PCDHA12: variants seen among roughly 807,000 people sequenced by gnomAD.
PCDHA12 encodes the protein protocadherin alpha-12.
In PCDHA12, 44 loss-of-function variants were observed where a neutral mutation model predicts 60.0. The ratio of observed to expected loss-of-function variants is 0.73; its 90% CI spans 0.58 to 0.94. PCDHA12 has a LOEUF of 0.94. Among genes scored for constraint, PCDHA12 ranks in the 40% least tolerant of loss-of-function variants. The pLI, the probability that PCDHA12 is intolerant of heterozygous loss-of-function variation, is 0.00. For missense variants in PCDHA12, 1,276 were observed against 1,239.7 expected, an observed-to-expected ratio of 1.03 and a Z score of -0.44; for synonymous variants, 569 against 553.0, an observed-to-expected ratio of 1.03 and a Z score of -0.40.
chr5:140,993,397 T>C (rs2097553822), intron 3 of PCDHA12, among the ~76,000 whole-genome samples: 2 of 151,682 alleles, frequency 1.3e-5, no homozygotes, highest in Admixed American at 1.3e-4. Context: ...ACTCCATCAT[T>C]AACCACCTTC....
In PCDHA12 at chr5:141,011,807, A is replaced by G. The variant is rs940017317; in HGVS notation, c.*1870A>G. ...CTAATGGTATCTGAAATATCAGCTC[A>G]TAGAAAGTAACAAAATTTGCTGTCA... On this transcript the variant is annotated 3_prime_UTR_variant, in exon 4 of 4. Coordinates refer to ENST00000398631, the MANE Select transcript of PCDHA12 (RefSeq NM_018903.4). The G allele has an allele frequency of 1.3e-5, 2 of 153,798 alleles. No individual in the cohort carries two copies. Among genetic ancestry groups the G allele is most frequent in the African/African-American group, 4.8e-5 (2 of 41,468 alleles). The allele number at this position is 153,798 out of a possible 1,614,324, so 9.5% of individuals were successfully genotyped here.
intron 1 of PCDHA12, among the ~76,000 whole-genome samples, chr5:140,956,797 G>T (rs1224324866): frequency 6.6e-6 from 1 of 152,040 alleles, no homozygotes; most frequent in Non-Finnish European, 1.5e-5. Flanking sequence ...TGCTTGGTGG[G>T]CTATTTATTA....
chr5:140,929,496 G>T, intron 1 of PCDHA12: 14 of 989,736 alleles, frequency 1.4e-5, no homozygotes, highest in Non-Finnish European at 1.8e-5. Context: ...TTAGAAGATT[G>T]CCCTAGGCCT....
rs782361627 is a variant in PCDHA12 at position 140,877,451 on chromosome 5, C to G, written c.1979C>G (p.Thr660Arg). The change falls in exon 1 of 4, where the codon ACG becomes AGG. Residue 660 changes from threonine (T) to arginine (R), a missense_variant. By Grantham distance (71) the Thr-to-Arg change is moderately conservative. Transcript: ENST00000398631. ...AAGGACCACGGTGAGCCCGCGCTGA[C>G]GTCCACGGCCACGGTGCTGGTGTCG... ...LVKDHGEPALTSTATVLVSLV... is the reference protein window; with the variant it reads ...LVKDHGEPALRSTATVLVSLV... 1 of 1,613,790 alleles carries G rather than the reference C, an allele frequency of 6.2e-7. No homozygotes were observed. Among genetic ancestry groups the G allele is most frequent in the East Asian group, 2.2e-5 (1 of 44,854 alleles).
chr5:140,915,324 T>G (rs782080439), intron 1 of PCDHA12, among the ~76,000 whole-genome samples: 1 of 152,210 alleles, frequency 6.6e-6, no homozygotes, highest in Non-Finnish European at 1.5e-5. Flanking sequence ...ATTACAGTGT[T>G]ATAATATTCT....
chr5:140,890,702 A>G (rs552792120), intron 1 of PCDHA12, among the ~76,000 whole-genome samples: 1 of 152,318 alleles, frequency 6.6e-6, no homozygotes, highest in African/African-American at 2.4e-5. Flanking sequence ...GGGACCTTAC[A>G]TTTTTAAAAT....
At chr5:140,937,824 A>C (rs1229119616) in intron 1 of PCDHA12, among the ~76,000 whole-genome samples, 1 of 151,696 alleles carries the variant, frequency 6.6e-6, no homozygotes, top group African/African-American at 2.4e-5. Flanking sequence ...AGGCAGGAGA[A>C]TGGCATGAAC....
chr5:140,889,205 A>G (rs573455914), intron 1 of PCDHA12, among the ~76,000 whole-genome samples: 1 of 151,946 alleles, frequency 6.6e-6, no homozygotes, highest in East Asian at 2.0e-4. Context: ...TGAATACTTA[A>G]CAAAGAAGAA....
chr5:140,965,236 A>G (rs1374558346), intron 1 of PCDHA12, among the ~76,000 whole-genome samples: 1 of 152,222 alleles, frequency 6.6e-6, no homozygotes, highest in African/African-American at 2.4e-5. Flanking sequence ...GAACCTGGGA[A>G]GAGTGAATAT....
chr5:140,966,818 C>G (rs1376177382), intron 1 of PCDHA12: 1 of 1,554,298 alleles, frequency 6.4e-7, no homozygotes, highest in Admixed American at 1.9e-5. Context: ...ACGGCTCCGG[C>G]GGCCCATGCC....
chr5:140,888,129 A>G (rs2061706592), intron 1 of PCDHA12, among the ~76,000 whole-genome samples: 2 of 152,024 alleles, frequency 1.3e-5, no homozygotes, highest in Admixed American at 1.3e-4. Flanking sequence ...CTATGGATAT[A>G]TTTTCTTGCT....
At chr5:140,927,183 C>T (rs1554204140) in intron 1 of PCDHA12, 12 of 1,614,160 alleles carry the variant, frequency 7.4e-6, no homozygotes, top group Non-Finnish European at 1.0e-5. Context: ...TCTTGACCTA[C>T]GACCTGGTGC....
At chr5:140,986,019 G>A (rs562523452) in intron 3 of PCDHA12, among the ~76,000 whole-genome samples, 66 of 152,154 alleles carry the variant, frequency 4.3e-4, no homozygotes, top group Middle Eastern at 3.4e-3. Flanking sequence ...GATTACAGGC[G>A]TGAGCCACTG....
At chr5:140,916,399 C>G (rs1421171065) in intron 1 of PCDHA12, among the ~76,000 whole-genome samples, 2 of 152,168 alleles carry the variant, frequency 1.3e-5, no homozygotes, top group African/African-American at 4.8e-5. Context: ...TGTGCTGGAT[C>G]ACACCTGAAG....
At chr5:140,948,942 TA>T (rs34363674) in intron 1 of PCDHA12, among the ~76,000 whole-genome samples, 1 of 151,394 alleles carries the variant, frequency 6.6e-6, no homozygotes, top group Admixed American at 6.6e-5. Context: ...TCTTCTAATA[TA>T]AAAAAATTAA....
At chr5:140,931,405 G>C (rs1395168165) in intron 1 of PCDHA12, among the ~76,000 whole-genome samples, 1 of 151,984 alleles carries the variant, frequency 6.6e-6, no homozygotes, top group South Asian at 2.1e-4. Flanking sequence ...CGATAGGAAG[G>C]CTGATGAATC....
chr5:140,988,206 G>GA (rs200168674), intron 3 of PCDHA12, among the ~76,000 whole-genome samples: 41 of 150,634 alleles, frequency 2.7e-4, no homozygotes, highest in Admixed American at 4.6e-4. Flanking sequence ...TCCTTATTAG[G>GA]AAAAAAAAAT....
In PCDHA12 at chr5:140,876,147, T is replaced by A. The variant is rs183600546; in HGVS notation, c.675T>A (p.Ser225=). 4.3e-6 allele frequency: 7 copies of A among 1,613,994 alleles called. No individual in the cohort carries two copies. The Admixed American group carries it at 1.2e-4, about 27-fold the overall frequency. ...IDGGKPELTG[S]VQIQITVLDV... ...GCGGTAAACCAGAACTAACAGGGTC[T>A]GTCCAGATTCAAATAACCGTCCTGG... is the stretch of plus-strand genomic sequence containing the variant. The change falls in exon 1 of 4, where the codon TCT becomes TCA. Residue 225 remains serine, a synonymous_variant. Transcript: ENST00000398631.
chr5:141,010,325 G>T lies in PCDHA12; in HGVS notation c.*388G>T. On this transcript the variant is annotated 3_prime_UTR_variant, in exon 4 of 4. Coordinates refer to ENST00000398631, the MANE Select transcript of PCDHA12 (RefSeq NM_018903.4). Reference sequence around the variant, plus strand: ...GAAAAGTTTTGAGATTGAGCAGCTTGGGAGTTTGTGGCCACTGGGTATGTG... The same window carrying T: ...GAAAAGTTTTGAGATTGAGCAGCTTTGGAGTTTGTGGCCACTGGGTATGTG... 1 of 1,539,506 alleles carries T rather than the reference G, an allele frequency of 6.5e-7. No individual in the cohort carries two copies. The highest frequency in any genetic ancestry group is 8.7e-7 in the Non-Finnish European group (1 of 1,142,888).
Sources: gnomAD v4.1 joint callset for allele counts (sites outside exome capture counted in the v4.1 genomes callset) on GRCh38, gnomAD v4.1.1 for gene constraint, MANE v1.5 for transcripts, NCBI Gene and HGNC (gene_info 2026-07-23, HGNC 2026-07-21) for gene names.